Variants in MPHOSPH6 observed in about 807,000 individuals in gnomAD.
MPHOSPH6 encodes M-phase phosphoprotein 6.
MPHOSPH6 carries 25 observed loss-of-function variants against 21.8 expected under a neutral mutation model. The ratio of observed to expected loss-of-function variants is 1.15; its 90% CI spans 0.83 to 1.60. The LOEUF is 1.60. MPHOSPH6 is among the 40% of genes most tolerant of loss of function. MPHOSPH6 has a pLI of 0.00. For synonymous variants in MPHOSPH6, 84 were observed against 56.5 expected, an observed-to-expected ratio of 1.49 and a Z score of -2.18; for missense variants, 269 against 181.8, an observed-to-expected ratio of 1.48 and a Z score of -2.76.
chr16:82,157,648 C>T (rs1906469727), intron 2 of MPHOSPH6, among the ~76,000 whole-genome samples: 1 of 152,104 alleles, frequency 6.6e-6, no homozygotes, highest in Non-Finnish European at 1.5e-5. Flanking sequence ...CACACGTGCA[C>T]ACAGTTTAAG....
At chr16:82,156,875 G>A (rs1906444442) in intron 2 of MPHOSPH6, among the ~76,000 whole-genome samples, 4 of 152,050 alleles carry the variant, frequency 2.6e-5, no homozygotes, top group African/African-American at 9.7e-5. Flanking sequence ...AGACCAGCCT[G>A]GCCAACATGG....
At chr16:82,149,011 T>A in intron 4 of MPHOSPH6, 148 bp from the exon 5 acceptor site, 1 of 1,089,556 alleles carries the variant, frequency 9.2e-7, no homozygotes, top group Non-Finnish European at 1.3e-6. Flanking sequence ...TAACAATTTA[T>A]GAACTTCTCT....
chr16:82,158,415 T>C (rs1346182521), intron 2 of MPHOSPH6, among the ~76,000 whole-genome samples: 2 of 140,610 alleles, frequency 1.4e-5, no homozygotes, highest in East Asian at 4.2e-4. Flanking sequence ...AGCAGAATGG[T>C]GTGAACCCGG....
intron 2 of MPHOSPH6, chr16:82,162,073 T>G (rs944301679): frequency 1.3e-5 from 2 of 152,234 alleles, no homozygotes; most frequent in Non-Finnish European, 2.9e-5. Context: ...CACACAATGG[T>G]GACAATCACT....
chr16:82,148,933 A>G, intron 4 of MPHOSPH6, 70 bp from the exon 5 acceptor site: 4 of 1,536,500 alleles, frequency 2.6e-6, no homozygotes, highest in Non-Finnish European at 3.5e-6. Context: ...TGTCAAGAAT[A>G]TCAGACCAAA....
At chr16:82,160,936 T>C (rs1597163402) in intron 2 of MPHOSPH6, among the ~76,000 whole-genome samples, 1 of 148,320 alleles carries the variant, frequency 6.7e-6, no homozygotes, top group Non-Finnish European at 1.5e-5. Context: ...AGAGGTGCCC[T>C]CCCTACACTC....
At chr16:82,159,086 T>C (rs550492217) in intron 2 of MPHOSPH6, among the ~76,000 whole-genome samples, 6 of 152,346 alleles carry the variant, frequency 3.9e-5, no homozygotes, top group East Asian at 1.9e-4. Flanking sequence ...GAAAAGGCCA[T>C]TGAGATACTC....
At chr16:82,152,575 T>A (rs370989037) in intron 2 of MPHOSPH6, among the ~76,000 whole-genome samples, 2 of 152,226 alleles carry the variant, frequency 1.3e-5, no homozygotes, top group East Asian at 3.9e-4. Context: ...AGGGGCAGAA[T>A]TGGAAGACGG....
intron 4 of MPHOSPH6, 115 bp downstream of exon 4, chr16:82,149,194 T>C (rs1350101916): frequency 2.7e-6 from 3 of 1,095,462 alleles, no homozygotes; most frequent in African/African-American, 3.1e-5. Flanking sequence ...ACAGTCATCG[T>C]CCTACTGGGG....
intron 2 of MPHOSPH6, among the ~76,000 whole-genome samples, chr16:82,156,623 G>A (rs973303886): frequency 6.6e-6 from 1 of 152,078 alleles, no homozygotes; most frequent in Non-Finnish European, 1.5e-5. Context: ...CCAAATGTTG[G>A]ACTCTCACAC....
At chr16:82,149,916 T>C (rs1350371807) in intron 3 of MPHOSPH6, among the ~76,000 whole-genome samples, 1 of 152,050 alleles carries the variant, frequency 6.6e-6, no homozygotes, top group African/African-American at 2.4e-5. Context: ...CTCCTAAACT[T>C]TAGAGTGGAT....
intron 2 of MPHOSPH6, among the ~76,000 whole-genome samples, chr16:82,162,891 T>C (rs191136347): frequency 2.5e-4 from 38 of 152,308 alleles, no homozygotes; most frequent in South Asian, 1.5e-3. Context: ...ATAGAAACAG[T>C]CCTGCTCTTT....
chr16:82,169,138 C>T (rs1055356415), intron 1 of MPHOSPH6, among the ~76,000 whole-genome samples: 1 of 152,222 alleles, frequency 6.6e-6, no homozygotes, highest in African/African-American at 2.4e-5. Flanking sequence ...TTTCTTGATA[C>T]TGTTCCCCGT....
At chr16:82,153,801 A>C (rs902913966) in intron 2 of MPHOSPH6, among the ~76,000 whole-genome samples, 1 of 152,194 alleles carries the variant, frequency 6.6e-6, no homozygotes, top group South Asian at 2.1e-4. Flanking sequence ...TAAGCTGACA[A>C]AATTGGTGGC....
chr16:82,167,869 T>G (rs4889479), intron 1 of MPHOSPH6, among the ~76,000 whole-genome samples: 1 of 152,042 alleles, frequency 6.6e-6, no homozygotes, highest in Non-Finnish European at 1.5e-5. Context: ...GGACTGGTGC[T>G]GGTCCATGGC....
rs912260492 is a variant in MPHOSPH6, at chr16:82,166,154, G to A, written c.52-1960C>T. On this transcript the variant is annotated intron_variant, in intron 1 of 4. Coordinates refer to ENST00000258169, the MANE Select transcript of MPHOSPH6 (RefSeq NM_005792.2). ...TTGTAAAATGTTGCCGCTAGGGGAG[G>A]TGGCATGAAGGACGCACGGGATATC... Among the ~76,000 whole-genome samples, 3 of 152,212 alleles carry A rather than the reference G, an allele frequency of 2.0e-5. No homozygotes were observed. In the East Asian group the frequency reaches 5.8e-4, roughly 29 times the overall value.
intron 2 of MPHOSPH6, among the ~76,000 whole-genome samples, chr16:82,151,796 A>G (rs919497887): frequency 6.6e-6 from 1 of 152,218 alleles, no homozygotes; most frequent in Non-Finnish European, 1.5e-5. Flanking sequence ...TTGACAATAA[A>G]CTTGAATTTG....
In MPHOSPH6 at chr16:82,151,512, C is replaced by T; in HGVS notation, c.167G>A (p.Ser56Asn). ...LDLPELKEKE[S>N]FIIEEQSFLL... ...GAAACTCTGCTCTTCTATTATGAAA[C>T]TCCTAAATGGGAAAATAAAAATAGC... Residue 56 changes from serine to asparagine, a missense_variant and splice_region_variant, in exon 3 of 5, where the codon AGT becomes AAT. Ser to Asn is a conservative substitution (Grantham distance 46, BLOSUM62 1). Coordinates refer to ENST00000258169, the MANE Select transcript of MPHOSPH6 (RefSeq NM_005792.2). 6.3e-7 allele frequency: 1 copy of T among 1,575,716 alleles called. No individual in the cohort carries two copies. Among genetic ancestry groups the T allele is most frequent in the Non-Finnish European group, 8.6e-7 (1 of 1,164,898 alleles).
Position 82,148,540 on chromosome 16 carries a change from A to G in MPHOSPH6, c.*191T>C, listed in dbSNP as rs1226935783. On this transcript the variant is annotated 3_prime_UTR_variant, in exon 5 of 5. Coordinates refer to ENST00000258169, the MANE Select transcript of MPHOSPH6 (RefSeq NM_005792.2). Reference sequence around the variant, plus strand: ...AGGGGCTAAAAATCCACTCTGAATGAATACCAAGAAGCAAAGGATGTACAA... The same window carrying G: ...AGGGGCTAAAAATCCACTCTGAATGGATACCAAGAAGCAAAGGATGTACAA... The G allele has an allele frequency of 1.6e-6, 1 of 635,754 alleles. No individual in the cohort carries two copies. Among genetic ancestry groups the G allele is most frequent in the African/African-American group, 1.8e-5 (1 of 54,774 alleles). 39.4% of individuals were successfully genotyped at this position (635,754 alleles called of 1,614,324 possible).
Sources: allele counts gnomAD v4.1 joint callset (sites outside exome capture counted in the v4.1 genomes callset), GRCh38; gene constraint gnomAD v4.1.1; transcripts MANE v1.5; gene names NCBI Gene and HGNC (gene_info 2026-07-23, HGNC 2026-07-21).